Variants in VMP1 observed in about 807,000 individuals in gnomAD.
VMP1 encodes the protein vacuole membrane protein 1.
Under a neutral mutation model 56.0 loss-of-function variants are expected in VMP1, and 11 were observed. The observed-to-expected ratio is 0.20, with a 90% CI of 0.12 to 0.32. The LOEUF is 0.32. VMP1 is among the 10% of genes least tolerant of loss of function. The probability of loss-of-function intolerance (pLI) is 1.00; values close to 1 mark genes in which losing one functional copy is unlikely to be tolerated. For missense variants in VMP1, 296 were observed against 490.3 expected, an observed-to-expected ratio of 0.60 and a Z score of 3.74; for synonymous variants, 149 against 165.0, an observed-to-expected ratio of 0.90 and a Z score of 0.74.
Position 59,738,954 on chromosome 17 carries a change from ATAATT to A in VMP1, c.414+9_414+13del, listed in dbSNP as rs770641263. 1.9e-6 allele frequency: 3 copies of A among 1,563,942 alleles called. No individual in the cohort carries two copies. The East Asian group carries it at 6.9e-5, about 36-fold the overall frequency. Reference sequence around the variant, plus strand: ...CACCTTTCTGCTTTATCTGGTAAGAATAATTTTATTTTAATAAGCAAAAATGATAT... The same window carrying A: ...CACCTTTCTGCTTTATCTGGTAAGAATTATTTTAATAAGCAAAAATGATAT... On this transcript the variant is annotated splice_region_variant and intron_variant, in intron 5 of 11. Coordinates refer to ENST00000262291, the MANE Select transcript of VMP1 (RefSeq NM_030938.5).
intron 10 of VMP1, 192 bp from the exon 11 acceptor site, chr17:59,838,103 T>TC (rs1158054921): frequency 1.1e-5 from 2 of 183,844 alleles, no homozygotes; most frequent in African/African-American, 3.4e-5. Context: ...AAATTTTCTT[T>TC]TTTTTTTTTT....
intron 9 of VMP1, among the ~76,000 whole-genome samples, chr17:59,812,725 G>A (rs570675939): frequency 7.1e-4 from 108 of 152,112 alleles, no homozygotes; most frequent in Non-Finnish European, 1.4e-3. Flanking sequence ...GAGGTCAGGA[G>A]ATCGAGACCA....
intron 5 of VMP1, among the ~76,000 whole-genome samples, chr17:59,755,811 T>TCACTGCAA (rs939126812): frequency 4.0e-5 from 6 of 151,050 alleles, no homozygotes; most frequent in African/African-American, 1.2e-4. Context: ...TGATCATAGC[T>TCACTGCAA]CACTGCAACC....
At chr17:59,745,085 G>A (rs1598327471) in intron 5 of VMP1, among the ~76,000 whole-genome samples, 3 of 152,180 alleles carry the variant, frequency 2.0e-5, no homozygotes. Flanking sequence ...CCATTTTGTG[G>A]TACCCATTCC....
intron 7 of VMP1, among the ~76,000 whole-genome samples, chr17:59,806,163 T>C (rs996348137): frequency 2.0e-5 from 3 of 152,106 alleles, no homozygotes; most frequent in Non-Finnish European, 4.4e-5. Flanking sequence ...GTATAAATTG[T>C]TAAAAATAAA....
At chr17:59,749,299 T>G (rs1439756582) in intron 5 of VMP1, among the ~76,000 whole-genome samples, 1 of 151,798 alleles carries the variant, frequency 6.6e-6, no homozygotes, top group African/African-American at 2.4e-5. Context: ...TATATGTATA[T>G]ATGAGTATTT....
chr17:59,736,735 C>A (rs1245552791), intron 3 of VMP1, among the ~76,000 whole-genome samples: 2 of 151,426 alleles, frequency 1.3e-5, no homozygotes, highest in Non-Finnish European at 2.9e-5. Context: ...CAGAGCAAGA[C>A]CCTGTCTCTG....
chr17:59,750,926 CTTTTTTTTTTT>C (rs35948198), intron 5 of VMP1, among the ~76,000 whole-genome samples: 1 of 91,038 alleles, frequency 1.1e-5, no homozygotes, highest in African/African-American at 4.9e-5. Context: ...AAGATAGCAC[CTTTTTTTTTTT>C]TTTTTTTTTT....
At chr17:59,749,730 C>T (rs966777129) in intron 5 of VMP1, among the ~76,000 whole-genome samples, 3 of 151,868 alleles carry the variant, frequency 2.0e-5, no homozygotes, top group Admixed American at 1.3e-4. Context: ...AGGCTGGTCT[C>T]GAATTCTGAC....
intron 6 of VMP1, among the ~76,000 whole-genome samples, 166 bp from the exon 7 acceptor site, chr17:59,773,588 G>A (rs2036515818): frequency 6.6e-6 from 1 of 152,108 alleles, no homozygotes; most frequent in African/African-American, 2.4e-5. Flanking sequence ...GTCAGAATTA[G>A]AGCCAGGATT....
Position 59,773,813 on chromosome 17 carries a change from C to T in VMP1, c.642C>T (p.Leu214=), listed in dbSNP as rs747520956. 3 of 1,613,648 alleles carry T rather than the reference C, an allele frequency of 1.9e-6. No homozygotes were observed. Among genetic ancestry groups the T allele is most frequent in the Non-Finnish European group, 2.5e-6 (3 of 1,179,926 alleles). ...ATTTCATGGCCAGAGCAGCTCGCCT[C>T]TCAGGTGCTGAACCAGATGATGAAG... The part of the protein sequence containing the change: ...PPYFMARAAR[L]SGAEPDDEEY... The change falls in exon 7 of 12, where the codon CTC becomes CTT. Residue 214 remains leucine, a synonymous_variant. Transcript: ENST00000262291.
chr17:59,836,247 T>C (rs1166228321), intron 10 of VMP1, among the ~76,000 whole-genome samples: 1 of 151,966 alleles, frequency 6.6e-6, no homozygotes, highest in Non-Finnish European at 1.5e-5. Flanking sequence ...ATTTATTTTT[T>C]TGAGGCAGGG....
At chr17:59,814,169 AGGGTTCACCATATT>A (rs1846325111) in intron 9 of VMP1, among the ~76,000 whole-genome samples, 1 of 152,132 alleles carries the variant, frequency 6.6e-6, no homozygotes, top group East Asian at 1.9e-4. Context: ...TAGTAGAGAT[AGGGTTCACCATATT>A]GGCCAGGCTG....
At chr17:59,737,971 C>T (rs1483518109) in intron 4 of VMP1, among the ~76,000 whole-genome samples, 2 of 152,030 alleles carry the variant, frequency 1.3e-5, no homozygotes, top group African/African-American at 4.8e-5. Context: ...GGGGTTTTGC[C>T]ATGTTGGCCA....
chr17:59,837,019 G>A (rs909647417), intron 10 of VMP1, among the ~76,000 whole-genome samples: 1 of 151,800 alleles, frequency 6.6e-6, no homozygotes, highest in South Asian at 2.1e-4. Context: ...GGCAAAGATG[G>A]TGAAACCCCA....
In VMP1 at chr17:59,839,825, T is replaced by C; in HGVS notation, c.1135T>C (p.Phe379Leu). The C allele has an allele frequency of 6.2e-7, 1 of 1,613,826 alleles. No individual in the cohort carries two copies. The highest frequency in any genetic ancestry group is 1.7e-5 in the Admixed American group (1 of 59,882). ...EKLVVVMVCY[F>L]ILSIINSMAQ... ...GTTGGTCGTTGTCATGGTGTGTTAC[T>C]TCATCCTATCTATCATTAACTCCAT... is the stretch of plus-strand genomic sequence containing the variant. The change falls in exon 12 of 12, where the codon TTC becomes CTC. Residue 379 changes from phenylalanine (F) to leucine (L), a missense_variant. Phe to Leu is a conservative substitution (Grantham distance 22). Transcript: ENST00000262291.
intron 8 of VMP1, 30 bp downstream of exon 8, chr17:59,808,906 T>A: frequency 1.3e-6 from 2 of 1,577,404 alleles, no homozygotes; most frequent in Non-Finnish European, 1.7e-6. Context: ...ACAGAACTTT[T>A]ACTAAGTGGT....
At chr17:59,755,960 C>T (rs1450210607) in intron 5 of VMP1, among the ~76,000 whole-genome samples, 1 of 152,114 alleles carries the variant, frequency 6.6e-6, no homozygotes, top group Non-Finnish European at 1.5e-5. Flanking sequence ...TAGTCTCGAA[C>T]TCCTGGGCTC....
At chr17:59,788,838 T>A (rs2037106213) in intron 7 of VMP1, among the ~76,000 whole-genome samples, 1 of 151,676 alleles carries the variant, frequency 6.6e-6, no homozygotes, top group East Asian at 1.9e-4. Context: ...GAAAATAATT[T>A]TGTGTTATGT....
Sources: allele counts gnomAD v4.1 joint callset (sites outside exome capture counted in the v4.1 genomes callset), GRCh38; gene constraint gnomAD v4.1.1; transcripts MANE v1.5; gene names NCBI Gene and HGNC (gene_info 2026-07-23, HGNC 2026-07-21).